Variants in LRRC37A3 observed in about 807,000 individuals in gnomAD.
The protein encoded by LRRC37A3 is leucine rich repeat containing 37 member A3.
A neutral mutation model predicts 106.2 loss-of-function variants in LRRC37A3; 25 were observed. The ratio of observed to expected loss-of-function variants is 0.24; its 90% CI spans 0.17 to 0.33. The LOEUF is 0.33. Ranked by LOEUF, LRRC37A3 falls within the 10% of genes least tolerant of loss-of-function variation. The probability of loss-of-function intolerance (pLI) is 1.00; values close to 1 mark genes in which losing one functional copy is unlikely to be tolerated. For missense variants in LRRC37A3, 712 were observed against 1,644.9 expected (o/e 0.43, Z 9.81); for synonymous variants, 305 against 635.8 (o/e 0.48, Z 7.83).
At chr17:64,872,312 A>C (rs1973351905) in intron 8 of LRRC37A3, among the ~76,000 whole-genome samples, 1 of 151,996 alleles carries the variant, frequency 6.6e-6, no homozygotes, top group African/African-American at 2.4e-5. Flanking sequence ...ATTCAAGAAA[A>C]ATTTCTGTAA....
At chr17:64,880,906 C>G (rs1277610687) in intron 8 of LRRC37A3, among the ~76,000 whole-genome samples, 1 of 151,774 alleles carries the variant, frequency 6.6e-6, no homozygotes, top group African/African-American at 2.4e-5. Context: ...TCTAACAGCT[C>G]TAGCTGAAAA....
rs1170434754 is a variant in LRRC37A3 at position 64,896,563 on chromosome 17, T to C, written c.695A>G (p.Asp232Gly). 1 of 1,357,204 alleles carries C rather than the reference T, an allele frequency of 7.4e-7. No individual in the cohort carries two copies. The highest frequency in any genetic ancestry group is 1.8e-5 in the Admixed American group (1 of 55,088). The allele number at this position is 1,357,204 out of a possible 1,614,324, so 84.1% of individuals were successfully genotyped here. Residue 232 changes from aspartate (D) to glycine (G), a missense_variant, in exon 4 of 15, where the codon GAC (aspartate) becomes GGC (glycine). Asp to Gly is a moderately conservative substitution (Grantham distance 94). Coordinates refer to ENST00000584306, the MANE Select transcript of LRRC37A3 (RefSeq NM_199340.5). ...TTGCTGGAGTGAAGAGGACTGGATG[T>C]CTTCAAGGGTCTCTGGATTTTGAGT... ...PETQNPETLE[D>G]IQSSSLQQEA...
At chr17:64,869,647 T>C (rs1973241452) in intron 8 of LRRC37A3, among the ~76,000 whole-genome samples, 1 of 149,932 alleles carries the variant, frequency 6.7e-6, no homozygotes. Context: ...GTGATTCTCC[T>C]GTTCTGCCTC....
intron 8 of LRRC37A3, among the ~76,000 whole-genome samples, chr17:64,884,475 C>T (rs1005252518): frequency 7.9e-5 from 12 of 151,142 alleles, no homozygotes; most frequent in African/African-American, 3.0e-4. Flanking sequence ...AAGTGATTCT[C>T]CTGCCTCAGC....
intron 2 of LRRC37A3, among the ~76,000 whole-genome samples, chr17:64,908,791 C>G (rs1031979302): frequency 7.2e-6 from 1 of 139,588 alleles, no homozygotes; most frequent in African/African-American, 3.1e-5. Flanking sequence ...GTCAATATAG[C>G]TGGGCATGGT....
At chr17:64,876,163 T>A (rs1973506641) in intron 8 of LRRC37A3, among the ~76,000 whole-genome samples, 1 of 151,870 alleles carries the variant, frequency 6.6e-6, no homozygotes, top group Non-Finnish European at 1.5e-5. Flanking sequence ...CACCACTGCA[T>A]CTGGCCACAA....
chr17:64,883,210 T>C lies in LRRC37A3; in HGVS notation c.2906+2876A>G, dbSNP rs559212396. ...TCCTTTCCCCAATGCAAAACCTCGA[T>C]ATGGTTGTTTGACTTTACTGTGCTT... is the stretch of plus-strand genomic sequence containing the variant. On this transcript the variant is annotated intron_variant, in intron 8 of 14. Coordinates refer to ENST00000584306, the MANE Select transcript of LRRC37A3 (RefSeq NM_199340.5). Among the ~76,000 whole-genome samples, 4 of 152,318 alleles carry C rather than the reference T, an allele frequency of 2.6e-5. No homozygotes were observed. The East Asian group carries it at 7.7e-4, about 29-fold the overall frequency.
At chr17:64,898,261 GGGGGATCACTGA>G in intron 3 of LRRC37A3, 89 bp downstream of exon 3, 1 of 372,002 alleles carries the variant, frequency 2.7e-6, no homozygotes, top group Non-Finnish European at 3.6e-6. Context: ...GGCCGAGGTG[GGGGGATCACTGA>G]GGTCAGAAGT....
Position 64,895,514 on chromosome 17 carries a change from GT to G in LRRC37A3, c.1743del (p.Gln581HisfsTer8), listed in dbSNP as rs1365631690. 1 of 839,504 alleles carries G rather than the reference GT, an allele frequency of 1.2e-6. No homozygotes were observed. Among genetic ancestry groups the G allele is most frequent in the Non-Finnish European group, 2.0e-6 (1 of 509,222 alleles). 52.0% of individuals were successfully genotyped at this position (839,504 alleles called of 1,614,324 possible). A position where few individuals can be genotyped will look rare whatever the true frequency, so the allele number is the denominator to read the frequency against. ...TTTGTTACCCCTTGATATACTCGAA[GT>G]TGGGGTACAACTTTCTTAGGAGGCT... ...PTQPPKKVVP[Q>X]LRVYQGVTNP... On this transcript the variant is annotated frameshift_variant, in exon 4 of 15. Transcript: ENST00000584306. LOFTEE classifies it high-confidence loss of function.
intron 14 of LRRC37A3, 21 bp downstream of exon 14, chr17:64,855,819 A>T (rs1567759888): frequency 1.2e-6 from 2 of 1,611,408 alleles, no homozygotes; most frequent in South Asian, 1.1e-5. Context: ...AAGAAAAAAA[A>T]ATCACCAGAC....
At chr17:64,855,571 C>T (rs572997375) in intron 14 of LRRC37A3, among the ~76,000 whole-genome samples, 1 of 150,478 alleles carries the variant, frequency 6.6e-6, no homozygotes, top group South Asian at 2.1e-4. Flanking sequence ...AAGTATTTGT[C>T]CTGTCTCGGG....
intron 13 of LRRC37A3, among the ~76,000 whole-genome samples, chr17:64,857,475 A>C (rs1972715692): frequency 6.6e-6 from 1 of 152,226 alleles, no homozygotes; most frequent in African/African-American, 2.4e-5. Flanking sequence ...ATCCTATTCA[A>C]ATCCCAAGAT....
chr17:64,880,439 G>T (rs959268893), intron 8 of LRRC37A3, among the ~76,000 whole-genome samples: 8 of 152,200 alleles, frequency 5.3e-5, no homozygotes, highest in Non-Finnish European at 7.3e-5. Context: ...ATGAGCCAGC[G>T]CGCCCAGCCT....
chr17:64,913,027 A>ATT, intron 2 of LRRC37A3, among the ~76,000 whole-genome samples: 1 of 143,842 alleles, frequency 7.0e-6, no homozygotes, highest in African/African-American at 2.6e-5. Flanking sequence ...ATATTAAGTA[A>ATT]TTTTTTTTTT....
intron 8 of LRRC37A3, among the ~76,000 whole-genome samples, chr17:64,879,608 G>C (rs1306513224): frequency 2.6e-5 from 4 of 152,062 alleles, no homozygotes; most frequent in Non-Finnish European, 5.9e-5. Flanking sequence ...AAGAATGTGA[G>C]TGCCACATGA....
chr17:64,871,972 A>T (rs1973330550), intron 8 of LRRC37A3, among the ~76,000 whole-genome samples: 2 of 151,716 alleles, frequency 1.3e-5, no homozygotes, highest in African/African-American at 4.8e-5. Flanking sequence ...TCTGTACTAA[A>T]TATACAAAAA....
intron 2 of LRRC37A3, among the ~76,000 whole-genome samples, chr17:64,912,924 G>T (rs1453300246): frequency 6.9e-6 from 1 of 145,320 alleles, no homozygotes; most frequent in Non-Finnish European, 1.5e-5. Flanking sequence ...ATGATATCTA[G>T]ATTAAAAGCA....
chr17:64,871,649 G>A (rs1254001495), intron 8 of LRRC37A3: 1 of 151,912 alleles, frequency 6.6e-6, no homozygotes, highest in African/African-American at 2.4e-5. Context: ...CCTTTTCCCG[G>A]GAGGTCACCA....
At chr17:64,858,492 T>G (rs1249890302) in intron 13 of LRRC37A3, among the ~76,000 whole-genome samples, 1 of 152,214 alleles carries the variant, frequency 6.6e-6, no homozygotes, top group Non-Finnish European at 1.5e-5. Flanking sequence ...ATCCAATTGT[T>G]GACATAGTTT....
Sources: gnomAD v4.1 joint callset for allele counts (sites outside exome capture counted in the v4.1 genomes callset) on GRCh38, gnomAD v4.1.1 for gene constraint, MANE v1.5 for transcripts, NCBI Gene and HGNC (gene_info 2026-07-23, HGNC 2026-07-21) for gene names.